Variants in CLPSL2 observed in about 807,000 individuals in gnomAD.
The protein encoded by CLPSL2 is colipase-like protein 2.
A neutral mutation model predicts 7.9 loss-of-function variants in CLPSL2; 4 were observed. That is an observed-to-expected ratio of 0.50 (90% CI 0.25 to 1.15). The LOEUF (loss-of-function observed/expected upper bound fraction) is 1.15, where lower values mean the gene tolerates loss of function less well. CLPSL2 is among the 50% of genes most tolerant of loss of function. The pLI, the probability that CLPSL2 is intolerant of heterozygous loss-of-function variation, is 0.15. For missense variants in CLPSL2, 132 were observed against 136.6 expected (o/e 0.97, Z 0.17); for synonymous variants, 67 against 53.1 (o/e 1.26, Z -1.14).
At chr6:35,776,908 G>C in intron 1 of CLPSL2, 1 of 448,274 alleles carries the variant, frequency 2.2e-6, no homozygotes. Context: ...AGAGAAATTG[G>C]CCTATGACCA....
chr6:35,778,238 G>A (rs1020111022), intron 2 of CLPSL2, among the ~76,000 whole-genome samples: 1 of 152,172 alleles, frequency 6.6e-6, no homozygotes, highest in Non-Finnish European at 1.5e-5. Flanking sequence ...TTATAGGCAT[G>A]AGCCACCGTG....
rs576043877 is a variant in CLPSL2, at chr6:35,777,655, C to T, written c.207+74C>T. On this transcript the variant is annotated intron_variant, in intron 2 of 2. Coordinates refer to ENST00000403376, the MANE Select transcript of CLPSL2 (RefSeq NM_207409.4). ...GGAGGTTAAAAAAAAAACACCTGGC[C>T]CCACCTGTTTTTTCACCTCTGTCTG... 1.3e-3 allele frequency: 1,885 copies of T among 1,473,282 alleles called. 3 individuals carry two copies. Among genetic ancestry groups the T allele is most frequent in the Non-Finnish European group, 1.6e-3 (1,783 of 1,099,472 alleles). The allele number at this position is 1,473,282 out of a possible 1,614,324, so 91.3% of individuals were successfully genotyped here. A position where few individuals can be genotyped will look rare whatever the true frequency, so the allele number is the denominator to read the frequency against.
intron 1 of CLPSL2, 43 bp from the exon 2 acceptor site, chr6:35,777,416 G>C (rs368613983): frequency 7.0e-5 from 112 of 1,605,402 alleles, no homozygotes; most frequent in Non-Finnish European, 9.4e-5. Flanking sequence ...ACACGACTCA[G>C]GGATTGCTCC....
At chr6:35,777,397 T>G in intron 1 of CLPSL2, 62 bp from the exon 2 acceptor site, 12 of 881,464 alleles carry the variant, frequency 1.4e-5, no homozygotes, top group East Asian at 3.8e-5. Flanking sequence ...AACCCTCCCC[T>G]ACCCGCCCAC....
Position 35,779,497 on chromosome 6 carries a change from G to C in CLPSL2, c.*47G>C. Reference sequence around the variant, plus strand: ...TGCTCCCTTGGGGCCATAGGCCCTGGTTGCCACCAACTTGCTCCAAATCCA... The same window carrying C: ...TGCTCCCTTGGGGCCATAGGCCCTGCTTGCCACCAACTTGCTCCAAATCCA... On this transcript the variant is annotated 3_prime_UTR_variant, in exon 3 of 3. Coordinates refer to ENST00000403376, the MANE Select transcript of CLPSL2 (RefSeq NM_207409.4). 1 of 1,553,252 alleles carries C rather than the reference G, an allele frequency of 6.4e-7. No homozygotes were observed. The highest frequency in any genetic ancestry group is 8.7e-7 in the Non-Finnish European group (1 of 1,147,674).
At chr6:35,779,287 C>A in intron 2 of CLPSL2, 68 bp from the exon 3 acceptor site, 1 of 1,340,938 alleles carries the variant, frequency 7.5e-7, no homozygotes, top group South Asian at 1.4e-5. Context: ...TTCTGGTCCC[C>A]AAGAAGTTTA....
chr6:35,779,488 T>C lies in CLPSL2; in HGVS notation c.*38T>C. 6.4e-7 allele frequency: 1 copy of C among 1,554,706 alleles called. No individual in the cohort carries two copies. The highest frequency in any genetic ancestry group is 8.7e-7 in the Non-Finnish European group (1 of 1,148,562). On this transcript the variant is annotated 3_prime_UTR_variant, in exon 3 of 3. Coordinates refer to ENST00000403376, the MANE Select transcript of CLPSL2 (RefSeq NM_207409.4). ...GCTGGTCACTGCTCCCTTGGGGCCA[T>C]AGGCCCTGGTTGCCACCAACTTGCT... is the stretch of plus-strand genomic sequence containing the variant.
intron 1 of CLPSL2, 126 bp from the exon 2 acceptor site, chr6:35,777,333 G>C: frequency 9.2e-7 from 1 of 1,085,514 alleles, no homozygotes; most frequent in Non-Finnish European, 1.3e-6. Context: ...GCCCCCCAAG[G>C]GGTGACAACC....
At chr6:35,779,124 C>G (rs1767908801) in intron 2 of CLPSL2, among the ~76,000 whole-genome samples, 1 of 152,152 alleles carries the variant, frequency 6.6e-6, no homozygotes, top group Non-Finnish European at 1.5e-5. Flanking sequence ...ATTTAGTCCT[C>G]ACAACAACCC....
chr6:35,777,740 C>A, intron 2 of CLPSL2, 159 bp downstream of exon 2: 1 of 827,160 alleles, frequency 1.2e-6, no homozygotes, highest in Non-Finnish European at 2.0e-6. Context: ...ACAACTCCAG[C>A]CACCTCCTCT....
At chr6:35,776,783 C>A in intron 1 of CLPSL2, 81 bp downstream of exon 1, 1 of 1,253,518 alleles carries the variant, frequency 8.0e-7, no homozygotes, top group Non-Finnish European at 1.0e-6. Context: ...CCCGAAGGCG[C>A]CGGGCAGCCT....
rs547386035 is a variant in CLPSL2, at chr6:35,776,895, G to T, written c.84+193G>T. 6 of 475,424 alleles carry T rather than the reference G, an allele frequency of 1.3e-5. No individual in the cohort carries two copies. In the East Asian group the frequency reaches 2.2e-4, roughly 17 times the overall value. The allele number at this position is 475,424 out of a possible 1,614,324, so 29.5% of individuals were successfully genotyped here. A position where few individuals can be genotyped will look rare whatever the true frequency, so the allele number is the denominator to read the frequency against. On this transcript the variant is annotated intron_variant, in intron 1 of 2. Transcript: ENST00000403376. ...TCACTTTCCCCTGGTGGCCTCAGAG[G>T]GGAGAGAAATTGGCCTATGACCAGC...
At position 35,779,440 on chromosome 6, in the gene CLPSL2, A is replaced by G. The variant is rs200339173; in HGVS notation, c.293A>G (p.His98Arg). The G allele has an allele frequency of 1.3e-6, 2 of 1,581,002 alleles. No homozygotes were observed. Among genetic ancestry groups the G allele is most frequent in the East Asian group, 2.3e-5 (1 of 43,362 alleles). The stretch of plus-strand genomic sequence containing the variant: ...GACTTGATGTGTTCCCGCCGGTGCC[A>G]TATGATTTAGAGGAAGATGCAGGCT... ...SKDLMCSRRCHMI is the reference protein window; with the variant it reads ...SKDLMCSRRCRMI Residue 98 changes from histidine (H) to arginine (R), a missense_variant, in exon 3 of 3, where the codon CAT becomes CGT. Coordinates refer to ENST00000403376, the MANE Select transcript of CLPSL2 (RefSeq NM_207409.4).
At chr6:35,776,948 C>G (rs904291652) in intron 1 of CLPSL2, 20 of 432,970 alleles carry the variant, frequency 4.6e-5, no homozygotes, top group Middle Eastern at 1.2e-3. Flanking sequence ...CTCCCCCGCC[C>G]GTGCCCCTTC....
chr6:35,777,929 A>C (rs1767877864), intron 2 of CLPSL2: 1 of 716,830 alleles, frequency 1.4e-6, no homozygotes, highest in Admixed American at 2.0e-5. Flanking sequence ...ATCTGCACAT[A>C]GTAGGTGCTC....
intron 2 of CLPSL2, chr6:35,777,852 G>T (rs1446377922): frequency 1.4e-6 from 1 of 717,666 alleles, no homozygotes; most frequent in Non-Finnish European, 2.6e-6. Context: ...CTCTCCCAGT[G>T]GTTGGAACTC....
rs766309715 is a variant in CLPSL2, at chr6:35,776,645, G to T, written c.27G>T (p.Ala9=). The change falls in exon 1 of 3, where the codon GCG becomes GCT. Residue 9 remains alanine, a synonymous_variant. Transcript: ENST00000403376. ...TGGCCGCAGCCCTGGCGCTCGTGGC[G>T]GGGGTCCTGTCGGGGGCGGTGCTGC... MAAALALV[A]GVLSGAVLPL... is the part of the protein sequence containing the mutation. The T allele has an allele frequency of 2.7e-6, 4 of 1,496,376 alleles. No homozygotes were observed. The highest frequency in any genetic ancestry group is 3.5e-6 in the Non-Finnish European group (4 of 1,130,328). The allele number at this position is 1,496,376 out of a possible 1,614,324, so 92.7% of individuals were successfully genotyped here. A position where few individuals can be genotyped will look rare whatever the true frequency, so the allele number is the denominator to read the frequency against.
intron 2 of CLPSL2, chr6:35,777,951 ATTG>A: frequency 2.8e-6 from 2 of 715,874 alleles, no homozygotes; most frequent in Non-Finnish European, 5.2e-6. Flanking sequence ...ATAAATGCTT[ATTG>A]TTGTTTGTTT....
chr6:35,777,686 C>A, intron 2 of CLPSL2, 105 bp downstream of exon 2: 1 of 1,306,066 alleles, frequency 7.7e-7, no homozygotes, highest in Non-Finnish European at 1.0e-6. Flanking sequence ...GTCTGGAGTG[C>A]CCTTCTTCTT....
Sources: gnomAD v4.1 joint callset for allele counts (sites outside exome capture counted in the v4.1 genomes callset) on GRCh38, gnomAD v4.1.1 for gene constraint, MANE v1.5 for transcripts, NCBI Gene and HGNC (gene_info 2026-07-23, HGNC 2026-07-21) for gene names.